Variants in USP32 observed in about 807,000 individuals in gnomAD.
The protein encoded by USP32 is ubiquitin specific peptidase 32.
USP32 carries 59 observed loss-of-function variants against 204.8 expected under a neutral mutation model. That is an observed-to-expected ratio of 0.29 (90% CI 0.23 to 0.36). The LOEUF is 0.36. Ranked by LOEUF, USP32 falls within the 10% of genes least tolerant of loss-of-function variation. The pLI is 1.00. For missense variants in USP32, 1,160 were observed against 1,946.4 expected (o/e 0.60, Z 7.60); for synonymous variants, 517 against 678.4 (o/e 0.76, Z 3.70).
intron 2 of USP32, among the ~76,000 whole-genome samples, chr17:60,302,823 T>C (rs968056168): frequency 6.6e-6 from 1 of 152,138 alleles, no homozygotes; most frequent in Non-Finnish European, 1.5e-5. Context: ...TTTAACACTC[T>C]CAGAAATAAG....
intron 1 of USP32, among the ~76,000 whole-genome samples, chr17:60,383,783 G>T (rs945838435): frequency 7.9e-5 from 12 of 152,074 alleles, no homozygotes; most frequent in African/African-American, 2.7e-4. Context: ...GGAGGCAAGG[G>T]GTAAATTACT....
chr17:60,221,466 G>C, intron 15 of USP32, among the ~76,000 whole-genome samples: 1 of 151,618 alleles, frequency 6.6e-6, no homozygotes. Context: ...CTGGCATAAG[G>C]AAGTTTTAGC....
chr17:60,405,437 T>C (rs2089968426), intron 1 of USP32, among the ~76,000 whole-genome samples: 1 of 151,986 alleles, frequency 6.6e-6, no homozygotes, highest in South Asian at 2.1e-4. Flanking sequence ...ACTCCTGAGC[T>C]CAGACAGTCC....
chr17:60,331,487 C>G (rs1000065893), intron 2 of USP32, among the ~76,000 whole-genome samples: 3 of 150,424 alleles, frequency 2.0e-5, no homozygotes, highest in Middle Eastern at 3.2e-3. Flanking sequence ...ATCACTTGAG[C>G]CTGGGGAGGT....
intron 1 of USP32, among the ~76,000 whole-genome samples, chr17:60,377,079 C>A (rs2089559597): frequency 6.6e-6 from 1 of 152,112 alleles, no homozygotes; most frequent in Non-Finnish European, 1.5e-5. Flanking sequence ...ATATTTACAT[C>A]CCCCTTAAAC....
chr17:60,271,250 G>A, intron 6 of USP32, 100 bp downstream of exon 6: 1 of 1,447,242 alleles, frequency 6.9e-7, no homozygotes, highest in East Asian at 2.3e-5. Flanking sequence ...AAACATATGA[G>A]AAGATGGTTT....
chr17:60,232,365 G>T (rs1297073864), intron 12 of USP32, among the ~76,000 whole-genome samples: 11 of 150,552 alleles, frequency 7.3e-5, no homozygotes, highest in African/African-American at 2.7e-4. Context: ...TAGAGTCGGG[G>T]TTTCACCATG....
intron 1 of USP32, among the ~76,000 whole-genome samples, chr17:60,353,171 T>C (rs985979323): frequency 6.6e-6 from 1 of 152,058 alleles, no homozygotes; most frequent in South Asian, 2.1e-4. Flanking sequence ...ACAGGATTAG[T>C]GTTCATAGAA....
intron 27 of USP32, among the ~76,000 whole-genome samples, chr17:60,194,724 T>C (rs1372479346): frequency 1.3e-5 from 2 of 152,198 alleles, no homozygotes; most frequent in African/African-American, 4.8e-5. Context: ...ATACAAACTT[T>C]TCTACCTCCA....
intron 2 of USP32, among the ~76,000 whole-genome samples, chr17:60,330,251 G>A (rs2088347231): frequency 6.6e-6 from 1 of 152,120 alleles, no homozygotes; most frequent in Non-Finnish European, 1.5e-5. Flanking sequence ...TTCCTGAGTA[G>A]CTTTTTTCTT....
chr17:60,283,509 G>C (rs1195802612), intron 5 of USP32, among the ~76,000 whole-genome samples: 1 of 152,130 alleles, frequency 6.6e-6, no homozygotes, highest in East Asian at 1.9e-4. Context: ...AACTTATAAT[G>C]ATGGCACCAA....
At chr17:60,191,124 G>A (rs770446456) in intron 28 of USP32, among the ~76,000 whole-genome samples, 6 of 152,018 alleles carry the variant, frequency 3.9e-5, no homozygotes, top group South Asian at 2.1e-4. Context: ...TACAGGGGCC[G>A]GGCATGGTGG....
intron 1 of USP32, among the ~76,000 whole-genome samples, chr17:60,406,281 C>T (rs2089975574): frequency 2.0e-5 from 3 of 151,816 alleles, no homozygotes; most frequent in Non-Finnish European, 2.9e-5. Flanking sequence ...TGGGTTCAAG[C>T]GATTCTCCTG....
intron 16 of USP32, among the ~76,000 whole-genome samples, chr17:60,216,089 A>G (rs1401081966): frequency 6.6e-6 from 1 of 152,204 alleles, no homozygotes; most frequent in Non-Finnish European, 1.5e-5. Flanking sequence ...GAAAAAAAAA[A>G]AATCGTATTA....
intron 9 of USP32, among the ~76,000 whole-genome samples, chr17:60,263,550 T>A (rs1193444849): frequency 2.0e-5 from 3 of 152,230 alleles, no homozygotes; most frequent in Non-Finnish European, 4.4e-5. Context: ...TTGTTTAATG[T>A]TCACAGAAGA....
At chr17:60,407,858 G>GA (rs2089990814) in intron 1 of USP32, among the ~76,000 whole-genome samples, 1 of 151,678 alleles carries the variant, frequency 6.6e-6, no homozygotes, top group African/African-American at 2.4e-5. Flanking sequence ...AGCACTTTGG[G>GA]AGGCCAAGGC....
At chr17:60,191,774 G>A (rs1319689384) in intron 28 of USP32, among the ~76,000 whole-genome samples, 1 of 151,876 alleles carries the variant, frequency 6.6e-6, no homozygotes, top group Non-Finnish European at 1.5e-5. Flanking sequence ...CTCCCAAAGT[G>A]CTGGGATTAC....
At chr17:60,182,389 TG>T (rs1457546608) in intron 31 of USP32, among the ~76,000 whole-genome samples, 5 of 152,244 alleles carry the variant, frequency 3.3e-5, no homozygotes, top group Non-Finnish European at 7.3e-5. Context: ...TATTATTCCA[TG>T]TCATGTTATC....
At chr17:60,324,283 AATATAT>A (rs138904415) in intron 2 of USP32, among the ~76,000 whole-genome samples, 30 of 146,524 alleles carry the variant, frequency 2.0e-4, no homozygotes, top group African/African-American at 5.8e-4. Context: ...CCGTGTTTCA[AATATAT>A]ATATATATAT....
Sources: allele counts gnomAD v4.1 joint callset (sites outside exome capture counted in the v4.1 genomes callset), GRCh38; gene constraint gnomAD v4.1.1; transcripts MANE v1.5; gene names NCBI Gene and HGNC (gene_info 2026-07-23, HGNC 2026-07-21).